Variants in SNX6 observed in about 807,000 individuals in gnomAD.
SNX6 encodes the protein sorting nexin 6.
In SNX6, 34 loss-of-function variants were observed where a neutral mutation model predicts 63.0. That is an observed-to-expected ratio of 0.54 (90% CI 0.41 to 0.72). SNX6 has a LOEUF of 0.72. Ranked by LOEUF, SNX6 falls within the 30% of genes least tolerant of loss-of-function variation. SNX6 has a pLI of 0.00. For synonymous variants in SNX6, 170 were observed against 164.2 expected (o/e 1.04, Z -0.27); for missense variants, 398 against 471.4 (o/e 0.84, Z 1.44).
At position 34,589,733 on chromosome 14, in the gene SNX6, G is replaced by C. The variant is rs138488446; in HGVS notation, c.718+3312C>G. Among the ~76,000 whole-genome samples the C allele has an allele frequency of 4.2e-3, 641 of 152,048 alleles. 4 individuals carry two copies. Among genetic ancestry groups the C allele is most frequent in the Non-Finnish European group, 6.6e-3 (449 of 67,980 alleles). ...TCCTATGGGGAAGGTCGAGGCATGA[G>C]AATCACTTGAACCCACGAGACGGGG... is the stretch of plus-strand genomic sequence containing the variant. On this transcript the variant is annotated intron_variant, in intron 8 of 13. Coordinates refer to ENST00000362031, the MANE Select transcript of SNX6 (RefSeq NM_152233.4).
intron 2 of SNX6, among the ~76,000 whole-genome samples, chr14:34,619,380 C>T (rs1004718381): frequency 1.2e-4 from 18 of 151,852 alleles, no homozygotes; most frequent in Admixed American, 7.2e-4. Flanking sequence ...TGATATCGCA[C>T]CACTGCACTC....
chr14:34,576,855 G>A (rs1023845283), intron 10 of SNX6, among the ~76,000 whole-genome samples: 12 of 151,536 alleles, frequency 7.9e-5, no homozygotes, highest in South Asian at 4.2e-4. Context: ...AGGCCGAGGC[G>A]GGCGGATCAT....
At position 34,567,909 on chromosome 14, in the gene SNX6, A is replaced by G; in HGVS notation, c.1026T>C (p.Thr342=). The G allele has an allele frequency of 6.2e-7, 1 of 1,614,032 alleles. No individual in the cohort carries two copies. The change falls in exon 12 of 14, where the codon ACT becomes ACC. Residue 342 remains threonine (T), a synonymous_variant. Coordinates refer to ENST00000362031, the MANE Select transcript of SNX6 (RefSeq NM_152233.4). ...AKNKDVLQAE[T]SQQLCCQKFE... Reference sequence around the variant, plus strand: ...ATTTCTGACAACATAATTGTTGGGAAGTTTCGGCCTGTAGAACATCTTTAT... The same window carrying G: ...ATTTCTGACAACATAATTGTTGGGAGGTTTCGGCCTGTAGAACATCTTTAT...
At chr14:34,581,377 C>A (rs1881926627) in intron 10 of SNX6, among the ~76,000 whole-genome samples, 184 bp downstream of exon 10, 1 of 152,174 alleles carries the variant, frequency 6.6e-6, no homozygotes. Context: ...TGGTCTTGAT[C>A]TCGTGACCTC....
chr14:34,564,570 G>C (rs1881084172), intron 13 of SNX6, among the ~76,000 whole-genome samples: 1 of 152,010 alleles, frequency 6.6e-6, no homozygotes, highest in Non-Finnish European at 1.5e-5. Flanking sequence ...GTTCACGCCT[G>C]CAATCCCAGC....
At chr14:34,601,475 C>T (rs927320791) in intron 6 of SNX6, among the ~76,000 whole-genome samples, 3 of 152,142 alleles carry the variant, frequency 2.0e-5, no homozygotes, top group South Asian at 2.1e-4. Context: ...CCGCCCACCT[C>T]GGCCTCCCAA....
At chr14:34,622,364 A>G (rs1409563861) in intron 2 of SNX6, among the ~76,000 whole-genome samples, 1 of 151,370 alleles carries the variant, frequency 6.6e-6, no homozygotes, top group Non-Finnish European at 1.5e-5. Flanking sequence ...GTGGATCACG[A>G]GGTCAGGAGA....
chr14:34,599,371 C>T (rs1882716511), intron 6 of SNX6, among the ~76,000 whole-genome samples: 1 of 152,036 alleles, frequency 6.6e-6, no homozygotes, highest in African/African-American at 2.4e-5. Flanking sequence ...TTTGTGAGGC[C>T]AAGGCGGGTG....
At chr14:34,626,977 ACT>A (rs1883852226) in intron 2 of SNX6, among the ~76,000 whole-genome samples, 2 of 152,100 alleles carry the variant, frequency 1.3e-5, no homozygotes, top group Non-Finnish European at 2.9e-5. Context: ...TCATTAAGTA[ACT>A]CTGCTAGTTT....
In SNX6 at chr14:34,562,728, A is replaced by G; in HGVS notation, c.*394T>C. On this transcript the variant is annotated 3_prime_UTR_variant, in exon 14 of 14. Coordinates refer to ENST00000362031, the MANE Select transcript of SNX6 (RefSeq NM_152233.4). ...AAAATTTAAAAAATTCAAAAAAGGC[A>G]ATCTTTATCTTGTTTCAACAATGCA... The G allele has an allele frequency of 6.4e-6, 1 of 155,506 alleles. No individual in the cohort carries two copies. Among genetic ancestry groups the G allele is most frequent in the Non-Finnish European group, 1.4e-5 (1 of 69,378 alleles). The allele number at this position is 155,506 out of a possible 1,614,324, so 9.6% of individuals were successfully genotyped here.
chr14:34,570,257 C>T (rs1156784553), intron 11 of SNX6, among the ~76,000 whole-genome samples: 5 of 151,882 alleles, frequency 3.3e-5, no homozygotes, highest in Admixed American at 6.6e-5. Flanking sequence ...TTAGTAGAGA[C>T]AGGGTTTCTC....
intron 4 of SNX6, 28 bp downstream of exon 4, chr14:34,608,002 G>T (rs753402132): frequency 9.4e-6 from 11 of 1,170,366 alleles, no homozygotes; most frequent in Non-Finnish European, 1.4e-5. Context: ...CCTAGAAAAT[G>T]GAATTAAAAT....
At chr14:34,625,559 C>G (rs1883795004) in intron 2 of SNX6, among the ~76,000 whole-genome samples, 2 of 151,916 alleles carry the variant, frequency 1.3e-5, no homozygotes, top group African/African-American at 4.8e-5. Context: ...ATGGTGTAAC[C>G]CTGTCTCTAC....
At chr14:34,589,670 T>C (rs1882314192) in intron 8 of SNX6, among the ~76,000 whole-genome samples, 1 of 151,096 alleles carries the variant, frequency 6.6e-6, no homozygotes, top group Non-Finnish European at 1.5e-5. Flanking sequence ...TAAAAAAAAA[T>C]ACAAAAGATA....
intron 11 of SNX6, among the ~76,000 whole-genome samples, chr14:34,572,000 C>T (rs1881471947): frequency 6.6e-6 from 1 of 152,170 alleles, no homozygotes; most frequent in Non-Finnish European, 1.5e-5. Context: ...TTTCATTTCT[C>T]TTGGGTAAAT....
chr14:34,565,077 C>CTTTT (rs34722757), intron 13 of SNX6, among the ~76,000 whole-genome samples: 1 of 131,278 alleles, frequency 7.6e-6, no homozygotes, highest in African/African-American at 2.8e-5. Context: ...CATGTCATGA[C>CTTTT]TTTTTTTTTT....
At chr14:34,589,008 T>A (rs1882285918) in intron 8 of SNX6, among the ~76,000 whole-genome samples, 1 of 151,512 alleles carries the variant, frequency 6.6e-6, no homozygotes, top group East Asian at 1.9e-4. Flanking sequence ...GTAGCATGCA[T>A]CTGTAGTCCC....
chr14:34,603,959 A>AT (rs1307230218), intron 5 of SNX6, among the ~76,000 whole-genome samples: 1 of 151,682 alleles, frequency 6.6e-6, no homozygotes, highest in Non-Finnish European at 1.5e-5. Context: ...GAAGAAACTA[A>AT]TTTTTTTTGC....
chr14:34,564,454 C>T (rs921573942), intron 13 of SNX6, among the ~76,000 whole-genome samples: 2 of 152,144 alleles, frequency 1.3e-5, no homozygotes, highest in African/African-American at 4.8e-5. Context: ...GCAGAATCAC[C>T]TCTGGTTGAG....
Sources: allele counts gnomAD v4.1 joint callset (sites outside exome capture counted in the v4.1 genomes callset), GRCh38; gene constraint gnomAD v4.1.1; transcripts MANE v1.5; gene names NCBI Gene and HGNC (gene_info 2026-07-23, HGNC 2026-07-21).